CEP350: variants seen among roughly 807,000 people sequenced by gnomAD.
CEP350 encodes the protein centrosomal protein 350.
CEP350 carries 126 observed loss-of-function variants against 331.8 expected under a neutral mutation model. The ratio of observed to expected loss-of-function variants is 0.38; its 90% CI spans 0.33 to 0.44. The LOEUF (loss-of-function observed/expected upper bound fraction) is 0.44. Ranked by LOEUF, CEP350 falls within the 20% of genes least tolerant of loss-of-function variation. The pLI is 1.00. For synonymous variants in CEP350, 1,200 were observed against 1,259.5 expected (o/e 0.95, Z 1.00); for missense variants, 3,406 against 3,634.6 (o/e 0.94, Z 1.62).
At chr1:179,987,800 C>T (rs1652746196) in intron 3 of CEP350, among the ~76,000 whole-genome samples, 2 of 151,748 alleles carry the variant, frequency 1.3e-5, no homozygotes, top group African/African-American at 2.4e-5. Context: ...GTGGTGTGCA[C>T]CTGTAGTCCC....
chr1:180,047,757 C>CAAAAAAAAAA (rs5779043), intron 21 of CEP350, among the ~76,000 whole-genome samples: 26 of 73,876 alleles, frequency 3.5e-4, no homozygotes, highest in South Asian at 9.8e-4. Flanking sequence ...TGAAACTCCT[C>CAAAAAAAAAA]AAAAAAAAAA....
chr1:180,103,820 C>T (rs972753081), intron 37 of CEP350, among the ~76,000 whole-genome samples: 2 of 151,692 alleles, frequency 1.3e-5, no homozygotes, highest in African/African-American at 2.4e-5. Context: ...CTTAGTTAGT[C>T]ATAGCGCTTG....
At chr1:180,028,575 A>T (rs1655819747) in intron 14 of CEP350, among the ~76,000 whole-genome samples, 1 of 152,124 alleles carries the variant, frequency 6.6e-6, no homozygotes, top group African/African-American at 2.4e-5. Context: ...GGATCGTTTG[A>T]TGCAGGAGTT....
intron 32 of CEP350, among the ~76,000 whole-genome samples, chr1:180,090,342 C>T (rs1328685884): frequency 1.3e-5 from 2 of 151,052 alleles, no homozygotes; most frequent in African/African-American, 4.9e-5. Flanking sequence ...ATCAGGAGAT[C>T]GAGACCATCC....
At chr1:180,051,370 T>G (rs1159696696) in intron 22 of CEP350, among the ~76,000 whole-genome samples, 1 of 152,180 alleles carries the variant, frequency 6.6e-6, no homozygotes, top group Admixed American at 6.5e-5. Context: ...TATTATAATA[T>G]GATTCAATTT....
chr1:180,040,267 AT>A (rs1284791316), intron 17 of CEP350, among the ~76,000 whole-genome samples: 2 of 152,066 alleles, frequency 1.3e-5, no homozygotes, highest in Non-Finnish European at 2.9e-5. Flanking sequence ...GTTGATAGTC[AT>A]TTTATTGAGG....
At chr1:180,008,967 AT>A (rs1004834206) in intron 8 of CEP350, among the ~76,000 whole-genome samples, 6 of 152,244 alleles carry the variant, frequency 3.9e-5, no homozygotes, top group African/African-American at 1.4e-4. Flanking sequence ...AGATAAAAAA[AT>A]AAAATGTTAC....
chr1:180,081,511 A>G (rs1390710126), intron 30 of CEP350, among the ~76,000 whole-genome samples: 1 of 152,248 alleles, frequency 6.6e-6, no homozygotes, highest in Admixed American at 6.5e-5. Flanking sequence ...ACACATATGT[A>G]TGCAGTCATG....
In CEP350 at chr1:180,020,548, T is replaced by G. The variant is rs1304496497; in HGVS notation, c.2774T>G (p.Met925Arg). ...AGTGAATTTAAAAAGCTTCCTGAGA[T>G]GATAAGACCACAGAGTGCCATATCA... The part of the protein sequence containing the change: ...NLSEFKKLPE[M>R]IRPQSAISSF... The change falls in exon 12 of 38, where the codon ATG becomes AGG. Residue 925 changes from methionine (M) to arginine (R), a missense_variant. Around this residue, in one of 5 missense-constraint regions of CEP350, gnomAD observed 1,857 missense variants for 1,909.2 expected, o/e 0.97. Coordinates refer to ENST00000367607, the MANE Select transcript of CEP350 (RefSeq NM_014810.5). The G allele has an allele frequency of 6.2e-7, 1 of 1,614,020 alleles. No homozygotes were observed. Among genetic ancestry groups the G allele is most frequent in the Non-Finnish European group, 8.5e-7 (1 of 1,179,896 alleles).
At position 179,986,160 on chromosome 1, in the gene CEP350, T is replaced by A; in HGVS notation, c.-13-9T>A. The A allele has an allele frequency of 6.5e-7, 1 of 1,546,856 alleles. No individual in the cohort carries two copies. Among genetic ancestry groups the A allele is most frequent in the East Asian group, 2.4e-5 (1 of 40,850 alleles). On this transcript the variant is annotated splice_polypyrimidine_tract_variant and intron_variant, in intron 1 of 37. Coordinates refer to ENST00000367607, the MANE Select transcript of CEP350 (RefSeq NM_014810.5). ...GATTGATGTTCGGTGAATACTGATG[T>A]GATTGCAGGTAAATTGGCAGGATGA... is the stretch of plus-strand genomic sequence containing the variant.
intron 31 of CEP350, among the ~76,000 whole-genome samples, chr1:180,086,962 A>G (rs1181374452): frequency 6.6e-6 from 1 of 152,240 alleles, no homozygotes; most frequent in Non-Finnish European, 1.5e-5. Context: ...TGAAATAGTG[A>G]GAGCTGTAAA....
intron 31 of CEP350, among the ~76,000 whole-genome samples, chr1:180,086,264 A>G (rs1003681096): frequency 2.0e-5 from 3 of 152,204 alleles, no homozygotes; most frequent in African/African-American, 7.2e-5. Context: ...TTAAAAATAC[A>G]GATTATATTC....
intron 18 of CEP350, 29 bp from the exon 19 acceptor site, chr1:180,041,633 C>G (rs751503682): frequency 1.9e-6 from 3 of 1,587,388 alleles, no homozygotes; most frequent in Non-Finnish European, 2.6e-6. Flanking sequence ...TAAAACATAA[C>G]TTCTTTTTTA....
intron 7 of CEP350, among the ~76,000 whole-genome samples, chr1:180,005,247 T>C (rs1342225483): frequency 6.6e-6 from 1 of 152,054 alleles, no homozygotes; most frequent in Admixed American, 6.6e-5. Flanking sequence ...GGATGTATAA[T>C]AGATTTCTCA....
rs766642157 is a variant in CEP350 at position 180,053,961 on chromosome 1, A to G, written c.5174+27A>G. ...TAAGTTCTTTTGAGCAGTTTTCACT[A>G]ATTTCTTCATTCATAAAATGGAATG... is the stretch of plus-strand genomic sequence containing the variant. On this transcript the variant is annotated intron_variant, in intron 24 of 37. Transcript: ENST00000367607. The G allele has an allele frequency of 1.9e-5, 28 of 1,464,624 alleles. No individual in the cohort carries two copies. The African/African-American group carries it at 3.8e-4, about 20-fold the overall frequency. The allele number at this position is 1,464,624 out of a possible 1,614,324, so 90.7% of individuals were successfully genotyped here. A position where few individuals can be genotyped will look rare whatever the true frequency, so the allele number is the denominator to read the frequency against.
At chr1:179,977,513 G>A (rs926026123) in intron 1 of CEP350, among the ~76,000 whole-genome samples, 2 of 152,140 alleles carry the variant, frequency 1.3e-5, no homozygotes, top group Non-Finnish European at 2.9e-5. Flanking sequence ...TCCTTAAACC[G>A]AGAGGTAGCT....
intron 30 of CEP350, 78 bp downstream of exon 30, chr1:180,080,739 T>C: frequency 7.8e-7 from 1 of 1,277,082 alleles, no homozygotes; most frequent in South Asian, 1.2e-5. Context: ...AGGAGTTTGT[T>C]GACCTTAGGA....
intron 1 of CEP350, among the ~76,000 whole-genome samples, chr1:179,959,077 T>C (rs1204519039): frequency 6.6e-6 from 1 of 151,848 alleles, no homozygotes; most frequent in Non-Finnish European, 1.5e-5. Flanking sequence ...AATAGTGATA[T>C]AAATGTATTT....
chr1:180,085,109 C>T (rs1214627339), intron 31 of CEP350, among the ~76,000 whole-genome samples: 3 of 150,272 alleles, frequency 2.0e-5, no homozygotes, highest in Non-Finnish European at 4.5e-5. Flanking sequence ...TTCCCCTTTC[C>T]CCTTTCCCTT....
Sources: gnomAD v4.1 joint callset for allele counts (sites outside exome capture counted in the v4.1 genomes callset) on GRCh38, gnomAD v4.1.1 for gene constraint, gnomAD v4.1.1 regional missense constraint, MANE v1.5 for transcripts, NCBI Gene and HGNC (gene_info 2026-07-23, HGNC 2026-07-21) for gene names.